SLC22A15: variants seen among roughly 807,000 people sequenced by gnomAD.
SLC22A15 encodes flipt 1.
A neutral mutation model predicts 62.7 loss-of-function variants in SLC22A15; 45 were observed. The observed-to-expected ratio is 0.72, with a 90% CI of 0.56 to 0.92. SLC22A15 has a LOEUF of 0.92. Among genes scored for constraint, SLC22A15 ranks in the 40% least tolerant of loss-of-function variants. The probability of loss-of-function intolerance (pLI) is 0.00; values close to 1 mark genes in which losing one functional copy is unlikely to be tolerated. For missense variants in SLC22A15, 622 were observed against 665.6 expected (o/e 0.93, Z 0.72); for synonymous variants, 264 against 267.0 (o/e 0.99, Z 0.11).
At chr1:115,983,465 T>C (rs1654709905) in intron 1 of SLC22A15, among the ~76,000 whole-genome samples, 1 of 152,186 alleles carries the variant, frequency 6.6e-6, no homozygotes, top group Admixed American at 6.5e-5. Flanking sequence ...TGTGTATGTG[T>C]GTTTATGTAA....
At chr1:115,997,235 TTTGTTG>T (rs150354511) in intron 2 of SLC22A15, among the ~76,000 whole-genome samples, 4 of 151,886 alleles carry the variant, frequency 2.6e-5, no homozygotes, top group Non-Finnish European at 4.4e-5. Flanking sequence ...TTGCTCCAGT[TTTGTTG>T]TTGTTGTTGT....
intron 2 of SLC22A15, among the ~76,000 whole-genome samples, chr1:116,017,098 A>G (rs1420436147): frequency 6.6e-6 from 1 of 152,108 alleles, no homozygotes; most frequent in African/African-American, 2.4e-5. Context: ...CACCTCCACT[A>G]GAGATACACT....
intron 1 of SLC22A15, among the ~76,000 whole-genome samples, chr1:115,977,168 C>T (rs1170343642): frequency 2.0e-5 from 3 of 152,176 alleles, no homozygotes; most frequent in South Asian, 2.1e-4. Flanking sequence ...TGTCTAGGAT[C>T]GCCTCCCTCT....
intron 2 of SLC22A15, 117 bp from the exon 3 acceptor site, chr1:116,019,465 G>T: frequency 1.1e-6 from 1 of 941,674 alleles, no homozygotes; most frequent in East Asian, 2.7e-5. Context: ...ACTGAATTCT[G>T]GTTAATAGTG....
chr1:116,032,387 A>G, intron 6 of SLC22A15: 1 of 985,360 alleles, frequency 1.0e-6, no homozygotes, highest in South Asian at 4.7e-5. Flanking sequence ...AATCATACCT[A>G]CTAGCCTAAA....
chr1:116,004,555 T>C (rs1297990294), intron 2 of SLC22A15, among the ~76,000 whole-genome samples: 1 of 152,226 alleles, frequency 6.6e-6, no homozygotes, highest in Non-Finnish European at 1.5e-5. Context: ...TACATGCTTC[T>C]TTTTATATAT....
chr1:116,031,473 T>C lies in SLC22A15; in HGVS notation c.836T>C (p.Phe279Ser). 1 of 1,614,024 alleles carries C rather than the reference T, an allele frequency of 6.2e-7. No homozygotes were observed. Among genetic ancestry groups the C allele is most frequent in the South Asian group, 1.1e-5 (1 of 91,086 alleles). ...AKRNRKLKCT[F>S]SLTHPANRSC... ...AGGAACCGCAAACTCAAGTGCACGTTCTCACTAACACACCCAGCCAACAGG... is the reference window on the plus strand; with the variant it reads ...AGGAACCGCAAACTCAAGTGCACGTCCTCACTAACACACCCAGCCAACAGG... The change falls in exon 6 of 12, where the codon TTC becomes TCC. Residue 279 changes from phenylalanine (F) to serine (S), a missense_variant. Phe to Ser is a radical substitution (Grantham distance 155). Transcript: ENST00000369503.
rs1656108584 is a variant in SLC22A15, at chr1:116,008,799, C to T, written c.301-10783C>T. Among the ~76,000 whole-genome samples the T allele has an allele frequency of 2.0e-5, 3 of 152,164 alleles. No individual in the cohort carries two copies. In the South Asian group the frequency reaches 6.2e-4, roughly 32 times the overall value. On this transcript the variant is annotated intron_variant, in intron 2 of 11. Coordinates refer to ENST00000369503, the MANE Select transcript of SLC22A15 (RefSeq NM_018420.3). ...TCCTCAGTGCCCCACAGTTAGTAAA[C>T]AAGCCTGGCCACTGTGGCATGGGCC...
At chr1:116,015,932 T>G (rs1432279229) in intron 2 of SLC22A15, among the ~76,000 whole-genome samples, 1 of 152,184 alleles carries the variant, frequency 6.6e-6, no homozygotes, top group African/African-American at 2.4e-5. Context: ...GGTAAAATGT[T>G]ACCGTAAGCA....
chr1:116,040,507 G>T (rs1305863642), intron 8 of SLC22A15, among the ~76,000 whole-genome samples: 2 of 152,192 alleles, frequency 1.3e-5, no homozygotes, highest in Admixed American at 6.5e-5. Flanking sequence ...CAAGCAACAC[G>T]TCCAAGGTTG....
chr1:116,034,183 C>T (rs1176052433), intron 6 of SLC22A15, among the ~76,000 whole-genome samples: 1 of 152,158 alleles, frequency 6.6e-6, no homozygotes, highest in African/African-American at 2.4e-5. Flanking sequence ...CTTAACAAAG[C>T]TTCGGTGTTT....
At chr1:116,062,740 G>T (rs1263999245) in intron 8 of SLC22A15, 22 bp from the exon 9 acceptor site, 2 of 1,613,444 alleles carry the variant, frequency 1.2e-6, no homozygotes, top group South Asian at 1.1e-5. Flanking sequence ...GGTCTCACAG[G>T]CATTGCCCTT....
intron 5 of SLC22A15, 29 bp downstream of exon 5, chr1:116,027,051 A>C: frequency 2.5e-6 from 4 of 1,607,450 alleles, no homozygotes; most frequent in Non-Finnish European, 3.4e-6. Context: ...TAGAGTTTTA[A>C]TTTAAAAAGC....
chr1:116,029,968 C>T (rs1164226691), intron 5 of SLC22A15, among the ~76,000 whole-genome samples: 1 of 152,154 alleles, frequency 6.6e-6, no homozygotes, highest in African/African-American at 2.4e-5. Flanking sequence ...GTAATAGCTC[C>T]TATATGCCCC....
intron 6 of SLC22A15, among the ~76,000 whole-genome samples, chr1:116,033,693 A>G (rs1657525840): frequency 6.6e-6 from 1 of 151,986 alleles, no homozygotes. Flanking sequence ...GGTGTAAGGG[A>G]TTTTAAAAAC....
intron 2 of SLC22A15, chr1:116,015,344 T>C (rs940667858): frequency 2.6e-5 from 4 of 152,302 alleles, no homozygotes; most frequent in South Asian, 4.2e-4. Context: ...TGAGCTCAAC[T>C]AGCATTGACA....
chr1:116,031,875 C>T (rs1657418376), intron 6 of SLC22A15: 2 of 1,190,984 alleles, frequency 1.7e-6, no homozygotes, highest in Non-Finnish European at 2.1e-6. Context: ...TTAAGCCTTC[C>T]TGCCCCTTCC....
At chr1:116,005,841 C>T (rs1187987647) in intron 2 of SLC22A15, among the ~76,000 whole-genome samples, 1 of 152,084 alleles carries the variant, frequency 6.6e-6, no homozygotes, top group Non-Finnish European at 1.5e-5. Flanking sequence ...GTGGGGAGTA[C>T]CCCTAATATA....
At chr1:115,982,861 C>T (rs1376802637) in intron 1 of SLC22A15, among the ~76,000 whole-genome samples, 1 of 152,204 alleles carries the variant, frequency 6.6e-6, no homozygotes, top group African/African-American at 2.4e-5. Context: ...TGTTAGGGAA[C>T]ATGTCCAAGA....
Sources: gnomAD v4.1 joint callset for allele counts (sites outside exome capture counted in the v4.1 genomes callset) on GRCh38, gnomAD v4.1.1 for gene constraint, MANE v1.5 for transcripts, NCBI Gene and HGNC (gene_info 2026-07-23, HGNC 2026-07-21) for gene names.